The following SGTB variants were observed in gnomAD, a reference collection of about 807,000 sequenced individuals.
The protein encoded by SGTB is small glutamine-rich tetratricopeptide repeat-containing protein beta.
SGTB carries 19 observed loss-of-function variants against 43.9 expected under a neutral mutation model. The ratio of observed to expected loss-of-function variants is 0.43; its 90% CI spans 0.30 to 0.63. SGTB has a LOEUF of 0.63. Ranked by LOEUF, SGTB falls within the 30% of genes least tolerant of loss-of-function variation. The pLI is 0.12. For synonymous variants in SGTB, 116 were observed against 117.3 expected (o/e 0.99, Z 0.07); for missense variants, 304 against 358.9 (o/e 0.85, Z 1.24).
chr5:65,698,765 C>G (rs1757757689), intron 5 of SGTB, among the ~76,000 whole-genome samples: 1 of 151,988 alleles, frequency 6.6e-6, no homozygotes, highest in Admixed American at 6.6e-5. Context: ...AAATGGCCAA[C>G]AAACATATGA....
chr5:65,696,228 C>T (rs1579870512), intron 5 of SGTB, among the ~76,000 whole-genome samples: 1 of 152,236 alleles, frequency 6.6e-6, no homozygotes, highest in South Asian at 2.1e-4. Flanking sequence ...AGTTCTCCAT[C>T]ACCTAAGAGG....
chr5:65,706,904 T>G (rs766376863), intron 4 of SGTB, among the ~76,000 whole-genome samples: 1 of 152,090 alleles, frequency 6.6e-6, no homozygotes, highest in Non-Finnish European at 1.5e-5. Flanking sequence ...GATTACAAAA[T>G]TATCTGTCTA....
At chr5:65,698,229 T>C (rs1209804775) in intron 5 of SGTB, among the ~76,000 whole-genome samples, 1 of 152,182 alleles carries the variant, frequency 6.6e-6, no homozygotes, top group Non-Finnish European at 1.5e-5. Context: ...GATTTATGCA[T>C]TTTTTGTAAG....
At chr5:65,686,107 C>A (rs1200348802) in intron 5 of SGTB, among the ~76,000 whole-genome samples, 1 of 149,280 alleles carries the variant, frequency 6.7e-6, no homozygotes, top group Non-Finnish European at 1.5e-5. Context: ...AGAAATAGCT[C>A]AGAGGAGAAA....
intron 3 of SGTB, among the ~76,000 whole-genome samples, chr5:65,709,464 C>T (rs888827968): frequency 6.6e-6 from 1 of 150,928 alleles, no homozygotes; most frequent in Non-Finnish European, 1.5e-5. Flanking sequence ...CTGCAATCTG[C>T]GCCTCCCAGG....
intron 4 of SGTB, among the ~76,000 whole-genome samples, chr5:65,705,108 T>A (rs1448488632): frequency 6.6e-6 from 1 of 152,142 alleles, no homozygotes; most frequent in Non-Finnish European, 1.5e-5. Context: ...TGTATACCAT[T>A]AAATGAAAAA....
At chr5:65,722,609 G>T (rs368062996), upstream of SGTB, 83 of 537,150 alleles carry the variant, frequency 1.5e-4, no homozygotes, top group African/African-American at 1.3e-3. Context: ...TCCCGCCTCC[G>T]CTCCCTCGGG....
rs1757078196 is a variant in SGTB at position 65,668,062 on chromosome 5, C to T, written c.*2184G>A. On this transcript the variant is annotated 3_prime_UTR_variant, in exon 11 of 11. Transcript: ENST00000381007. The stretch of plus-strand genomic sequence containing the variant: ...CTGCCTCTCAGGTTCGAGCAATTCT[C>T]ATGCTTCAGCCTCCCAAGTAGCTGG... 6.6e-6 allele frequency: 1 copy of T among 150,808 alleles called. No individual in the cohort carries two copies. Among genetic ancestry groups the T allele is most frequent in the Admixed American group, 6.6e-5 (1 of 15,096 alleles). 9.3% of individuals were successfully genotyped at this position (150,808 alleles called of 1,614,324 possible).
chr5:65,719,364 T>G (rs1380726172), intron 2 of SGTB, among the ~76,000 whole-genome samples: 6 of 151,640 alleles, frequency 4.0e-5, no homozygotes, highest in Non-Finnish European at 7.4e-5. Flanking sequence ...CCAAGGCGAG[T>G]GGATCACTTG....
At chr5:65,689,746 T>G (rs154625) in intron 5 of SGTB, among the ~76,000 whole-genome samples, 97,658 of 151,828 alleles carry the variant, frequency 0.64, 31,761 homozygotes, top group African/African-American at 0.7. Context: ...GGGCATGGAG[T>G]GGGAGGAGAA....
chr5:65,719,536 T>C (rs992075234), intron 2 of SGTB, among the ~76,000 whole-genome samples: 19 of 152,150 alleles, frequency 1.2e-4, no homozygotes, highest in African/African-American at 4.6e-4. Flanking sequence ...GAGGTTGCAG[T>C]GAGCCGAGAT....
chr5:65,688,446 G>A (rs919416718), intron 5 of SGTB, among the ~76,000 whole-genome samples: 6 of 152,114 alleles, frequency 3.9e-5, no homozygotes, highest in Admixed American at 1.3e-4. Flanking sequence ...TTACTTGTCC[G>A]CACATATGCA....
intron 4 of SGTB, among the ~76,000 whole-genome samples, chr5:65,705,727 G>T (rs1757920433): frequency 6.6e-6 from 1 of 151,952 alleles, no homozygotes; most frequent in African/African-American, 2.4e-5. Flanking sequence ...TGTTTGGGGG[G>T]TTATAAAAAT....
chr5:65,679,486 G>A (rs1029654544), intron 8 of SGTB, among the ~76,000 whole-genome samples: 1 of 152,044 alleles, frequency 6.6e-6, no homozygotes, highest in African/African-American at 2.4e-5. Context: ...GCATGGTTGT[G>A]GGTGCCTATA....
In SGTB at chr5:65,666,049, T is replaced by G. The variant is rs972144416; in HGVS notation, c.*4197A>C. On this transcript the variant is annotated 3_prime_UTR_variant, in exon 11 of 11. Coordinates refer to ENST00000381007, the MANE Select transcript of SGTB (RefSeq NM_019072.3). ...TAATTAATGAAATGTCTGTACAAAA[T>G]AAAGTGCAAGCAGTGTAAAATTGAA... 2 of 152,548 alleles carry G rather than the reference T, an allele frequency of 1.3e-5. No individual in the cohort carries two copies. The highest frequency in any genetic ancestry group is 2.9e-5 in the Non-Finnish European group (2 of 67,968). 9.4% of individuals were successfully genotyped at this position (152,548 alleles called of 1,614,324 possible). A position where few individuals can be genotyped will look rare whatever the true frequency, so the allele number is the denominator to read the frequency against.
At chr5:65,711,516 C>T (rs1758046173) in intron 3 of SGTB, among the ~76,000 whole-genome samples, 1 of 152,248 alleles carries the variant, frequency 6.6e-6, no homozygotes, top group Non-Finnish European at 1.5e-5. Context: ...GCCACTGAAA[C>T]AGGGTTCCCT....
chr5:65,678,733 C>T (rs1757329284), intron 8 of SGTB, among the ~76,000 whole-genome samples: 1 of 152,100 alleles, frequency 6.6e-6, no homozygotes, highest in African/African-American at 2.4e-5. Context: ...CTGGCAAAAG[C>T]AATGGGGAAA....
In SGTB at chr5:65,720,746, A is replaced by G. The variant is rs142825509; in HGVS notation, c.62T>C (p.Met21Thr). 4.5e-5 allele frequency: 73 copies of G among 1,614,056 alleles called. No individual in the cohort carries two copies. The African/African-American group carries it at 7.9e-4, about 17-fold the overall frequency. The change falls in exon 2 of 11, where the codon ATG (methionine) becomes ACG (threonine). Residue 21 changes from methionine to threonine, a missense_variant. Coordinates refer to ENST00000381007, the MANE Select transcript of SGTB (RefSeq NM_019072.3). The stretch of plus-strand genomic sequence containing the variant: ...TTGTTCATCCGAGGTGTAAGTGTCC[A>G]TCTGACTTTGTTCCCGTAAGAAACG... ...VIRFLREQSQMDTYTSDEQES... is the reference protein window; with the variant it reads ...VIRFLREQSQTDTYTSDEQES...
At chr5:65,699,227 T>C (rs564699766) in intron 5 of SGTB, among the ~76,000 whole-genome samples, 98 of 152,292 alleles carry the variant, frequency 6.4e-4, no homozygotes, top group African/African-American at 2.3e-3. Context: ...AGATAATGTC[T>C]TTTGCAGCAA....
Sources: gnomAD v4.1 joint callset for allele counts (sites outside exome capture counted in the v4.1 genomes callset) on GRCh38, gnomAD v4.1.1 for gene constraint, MANE v1.5 for transcripts, NCBI Gene and HGNC (gene_info 2026-07-23, HGNC 2026-07-21) for gene names.